SPRN: variants seen among roughly 807,000 people sequenced by gnomAD.
SPRN encodes the protein hypothetical protein BC004409.
For missense variants in SPRN, 312 were observed against 241.4 expected, an observed-to-expected ratio of 1.29 and a Z score of -1.94; for synonymous variants, 182 against 123.4, an observed-to-expected ratio of 1.48 and a Z score of -3.15.
rs1234158177 is a variant in SPRN at position 133,422,396 on chromosome 10, G to A, written c.*830C>T. On this transcript the variant is annotated 3_prime_UTR_variant, in exon 2 of 2. Transcript: ENST00000685335. ...GGGATTGGCAGTTGCTGTGCCCTGAGAACAGGCAGAACTGTGTGATCCCTG... is the reference window on the plus strand; with the variant it reads ...GGGATTGGCAGTTGCTGTGCCCTGAAAACAGGCAGAACTGTGTGATCCCTG... 2.0e-5 allele frequency: 3 copies of A among 152,368 alleles called. No individual in the cohort carries two copies. The highest frequency in any genetic ancestry group is 1.5e-5 in the Non-Finnish European group (1 of 68,156). 9.4% of individuals were successfully genotyped at this position (152,368 alleles called of 1,614,324 possible).
At position 133,423,232 on chromosome 10, in the gene SPRN, C is replaced by T. The variant is rs1421787939; in HGVS notation, c.450G>A (p.Arg150=). ...GGALGALGLL[R]P ...TCCCCGAGCCCAGCCAGGCCTAGGGCCGCAGCAGCCCCAGGGCTCCGAGGG... is the reference window on the plus strand; with the variant it reads ...TCCCCGAGCCCAGCCAGGCCTAGGGTCGCAGCAGCCCCAGGGCTCCGAGGG... Residue 150 remains arginine (R), a synonymous_variant, in exon 2 of 2, where the codon CGG becomes CGA. Coordinates refer to ENST00000685335, the MANE Select transcript of SPRN (RefSeq NM_001391974.1). The T allele has an allele frequency of 1.4e-6, 2 of 1,455,034 alleles. No individual in the cohort carries two copies. Among genetic ancestry groups the T allele is most frequent in the Non-Finnish European group, 1.8e-6 (2 of 1,104,176 alleles). The allele number at this position is 1,455,034 out of a possible 1,614,324, so 90.1% of individuals were successfully genotyped here.
chr10:133,421,039 C>T lies in SPRN; in HGVS notation c.*2187G>A, dbSNP rs80343841. 4.6e-3 allele frequency: 702 copies of T among 152,658 alleles called. 2 individuals are homozygous for T. Among genetic ancestry groups the T allele is most frequent in the South Asian group, 0.016 (77 of 4,828 alleles). 9.5% of individuals were successfully genotyped at this position (152,658 alleles called of 1,614,324 possible). On this transcript the variant is annotated 3_prime_UTR_variant, in exon 2 of 2. Transcript: ENST00000685335. The stretch of plus-strand genomic sequence containing the variant: ...GCTGGTAGTATGGACTAAGGTGCTG[C>T]AGGACCTGGGGCCAGGGACATCCTG...
In SPRN at chr10:133,423,442, G is replaced by A. The variant is rs1850296166; in HGVS notation, c.240C>T (p.Ala80=). Residue 80 remains alanine (A), a synonymous_variant, in exon 2 of 2, where the codon GCC becomes GCT. Transcript: ENST00000685335. The part of the protein sequence containing the change: ...GAAAGAAAGA[A]AGLAAGSGWR... ...AGCCCGAGCCCGCCGCCAGGCCCGCGGCCGCTCCCGCCGCCGCCCCGGCTG... is the reference window on the plus strand; with the variant it reads ...AGCCCGAGCCCGCCGCCAGGCCCGCAGCCGCTCCCGCCGCCGCCCCGGCTG... 7.9e-7 allele frequency: 1 copy of A among 1,259,402 alleles called. No homozygotes were observed. Among genetic ancestry groups the A allele is most frequent in the Admixed American group, 4.0e-5 (1 of 24,922 alleles). 78.0% of individuals were successfully genotyped at this position (1,259,402 alleles called of 1,614,324 possible). A position where few individuals can be genotyped will look rare whatever the true frequency, so the allele number is the denominator to read the frequency against.
chr10:133,423,759 G>A, intron 1 of SPRN, 62 bp from the exon 2 acceptor site: 1 of 1,221,538 alleles, frequency 8.2e-7, no homozygotes, highest in Non-Finnish European at 1.1e-6. Context: ...AGGGGCGGAG[G>A]GCTCAAGGCT....
In SPRN at chr10:133,422,214, C is replaced by T. The variant is rs931702006; in HGVS notation, c.*1012G>A. 6.6e-6 allele frequency: 1 copy of T among 152,418 alleles called. No individual in the cohort carries two copies. The highest frequency in any genetic ancestry group is 1.5e-5 in the Non-Finnish European group (1 of 68,184). The allele number at this position is 152,418 out of a possible 1,614,324, so 9.4% of individuals were successfully genotyped here. A position where few individuals can be genotyped will look rare whatever the true frequency, so the allele number is the denominator to read the frequency against. The stretch of plus-strand genomic sequence containing the variant: ...GCTTGCTTTGGGGTCTGAGTTAGCT[C>T]CTGGCTCCACTGAGCAGGCCGTCAG... On this transcript the variant is annotated 3_prime_UTR_variant, in exon 2 of 2. Coordinates refer to ENST00000685335, the MANE Select transcript of SPRN (RefSeq NM_001391974.1).
rs549439134 is a variant in SPRN, at chr10:133,422,326, C to G, written c.*900G>C. On this transcript the variant is annotated 3_prime_UTR_variant, in exon 2 of 2. Coordinates refer to ENST00000685335, the MANE Select transcript of SPRN (RefSeq NM_001391974.1). ...AGAAGGGGCTGCCTTCAGGGAAATG[C>G]GTGCACCGTGCAGCCTGTGCTGTGC... 4 of 152,390 alleles carry G rather than the reference C, an allele frequency of 2.6e-5. No individual in the cohort carries two copies. The highest frequency in any genetic ancestry group is 5.9e-5 in the Non-Finnish European group (4 of 68,198). 9.4% of individuals were successfully genotyped at this position (152,390 alleles called of 1,614,324 possible).
chr10:133,424,215 G>A (rs1442445586), intron 1 of SPRN, among the ~76,000 whole-genome samples: 4 of 136,402 alleles, frequency 2.9e-5, no homozygotes, highest in Admixed American at 1.5e-4. Flanking sequence ...GGGCCTTGCG[G>A]ATGCTGCGGA....
rs561008135 is a variant in SPRN, at chr10:133,423,529, C to T, written c.153G>A (p.Val51=). 1.7e-6 allele frequency: 2 copies of T among 1,208,464 alleles called. No homozygotes were observed. The highest frequency in any genetic ancestry group is 1.0e-6 in the Non-Finnish European group (1 of 974,768). The allele number at this position is 1,208,464 out of a possible 1,614,324, so 74.9% of individuals were successfully genotyped here. Residue 51 remains valine (V), a synonymous_variant, in exon 2 of 2, where the codon GTG becomes GTA. Coordinates refer to ENST00000685335, the MANE Select transcript of SPRN (RefSeq NM_001391974.1). ...GGGCACCGTAGCGCTGCGCCGGCCTCACGCGCACCCTCGAGGCCCCGCGCG... is the reference window on the plus strand; with the variant it reads ...GGGCACCGTAGCGCTGCGCCGGCCTTACGCGCACCCTCGAGGCCCCGCGCG... ...GGARGASRVR[V]RPAQRYGAPG...
chr10:133,424,253 A>G (rs1379315436), intron 1 of SPRN, among the ~76,000 whole-genome samples: 1 of 124,080 alleles, frequency 8.1e-6, no homozygotes, highest in Admixed American at 8.1e-5. Flanking sequence ...CATCGTGCGG[A>G]CTCCGCCCCA....
chr10:133,422,492 C>G lies in SPRN; in HGVS notation c.*734G>C, dbSNP rs1330117410. 3 of 152,438 alleles carry G rather than the reference C, an allele frequency of 2.0e-5. No individual in the cohort carries two copies. In the East Asian group the frequency reaches 5.8e-4, roughly 29 times the overall value. 9.4% of individuals were successfully genotyped at this position (152,438 alleles called of 1,614,324 possible). On this transcript the variant is annotated 3_prime_UTR_variant, in exon 2 of 2. Transcript: ENST00000685335. Reference sequence around the variant, plus strand: ...TTGGTTTTTCCCCCCCAAAATGGGTCCTAAGGAGGGTAAAGTGACTTGTTT... The same window carrying G: ...TTGGTTTTTCCCCCCCAAAATGGGTGCTAAGGAGGGTAAAGTGACTTGTTT...
intron 1 of SPRN, among the ~76,000 whole-genome samples, chr10:133,424,234 G>A (rs1375870446): frequency 1.5e-5 from 2 of 131,528 alleles, no homozygotes; most frequent in East Asian, 2.3e-4. Flanking sequence ...GAGGACAAGC[G>A]GCTGCTGACA....
rs751476050 is a variant in SPRN, at chr10:133,422,789, G to T, written c.*437C>A. On this transcript the variant is annotated 3_prime_UTR_variant, in exon 2 of 2. Transcript: ENST00000685335. Reference sequence around the variant, plus strand: ...TCCATTTCACTGCTTCTTTTGGGGAGGGTCAGATTCCTCAGGGGCTCAGTG... The same window carrying T: ...TCCATTTCACTGCTTCTTTTGGGGATGGTCAGATTCCTCAGGGGCTCAGTG... The T allele has an allele frequency of 3.6e-4, 57 of 159,670 alleles. No homozygotes were observed. Among genetic ancestry groups the T allele is most frequent in the African/African-American group, 8.8e-4 (37 of 41,896 alleles). 9.9% of individuals were successfully genotyped at this position (159,670 alleles called of 1,614,324 possible). A position where few individuals can be genotyped will look rare whatever the true frequency, so the allele number is the denominator to read the frequency against.
intron 1 of SPRN, 57 bp from the exon 2 acceptor site, chr10:133,423,754 C>T (rs1237013190): frequency 1.9e-4 from 247 of 1,275,624 alleles, no homozygotes; most frequent in Non-Finnish European, 2.3e-4. Flanking sequence ...TGCCCAGGGG[C>T]GGAGGGCTCA....
rs1850293094 is a variant in SPRN, at chr10:133,423,369, C to T, written c.313G>A (p.Asp105Asn). ...GTCCCGTTGCCTCCGGGCACCCCGT[C>T]CTCCTCGTCCTCCAGGCCGCGTTCC... Reference protein sequence around the residue: ...PGERGLEDEEDGVPGGNGTGP... With the variant: ...PGERGLEDEENGVPGGNGTGP... The change falls in exon 2 of 2, where the codon GAC becomes AAC. Residue 105 changes from aspartate (D) to asparagine (N), a missense_variant. Coordinates refer to ENST00000685335, the MANE Select transcript of SPRN (RefSeq NM_001391974.1). The T allele has an allele frequency of 1.3e-6, 2 of 1,508,638 alleles. No individual in the cohort carries two copies. Among genetic ancestry groups the T allele is most frequent in the Non-Finnish European group, 8.8e-7 (1 of 1,133,994 alleles). 93.5% of individuals were successfully genotyped at this position (1,508,638 alleles called of 1,614,324 possible).
At position 133,423,671 on chromosome 10, in the gene SPRN, G is replaced by A. The variant is rs763048225; in HGVS notation, c.11C>T (p.Ala4Val). MNW[A>V]PATCWALLLA... ...TAGCAGAGCCCAGCACGTTGCGGGTGCCCAGTTCATCTTCGTGGGGCTAAA... is the reference window on the plus strand; with the variant it reads ...TAGCAGAGCCCAGCACGTTGCGGGTACCCAGTTCATCTTCGTGGGGCTAAA... The change falls in exon 2 of 2, where the codon GCA becomes GTA. Residue 4 changes from alanine to valine, a missense_variant. Physicochemically the swap from Ala to Val is moderately conservative, Grantham distance 64. Transcript: ENST00000685335. 1.6e-5 allele frequency: 26 copies of A among 1,579,348 alleles called. 2 individuals are homozygous for A. In the Admixed American group the frequency reaches 4.1e-4, roughly 25 times the overall value.
At chr10:133,423,868 C>G (rs568863968) in intron 1 of SPRN, among the ~76,000 whole-genome samples, 171 bp from the exon 2 acceptor site, 2 of 152,360 alleles carry the variant, frequency 1.3e-5, no homozygotes, top group African/African-American at 2.4e-5. Flanking sequence ...CCTCTAGCAT[C>G]AGGGACTTAG....
At position 133,423,570 on chromosome 10, in the gene SPRN, C is replaced by G; in HGVS notation, c.112G>C (p.Gly38Arg). The G allele has an allele frequency of 1.5e-6, 2 of 1,359,368 alleles. No homozygotes were observed. Among genetic ancestry groups the G allele is most frequent in the Non-Finnish European group, 1.9e-6 (2 of 1,055,720 alleles). 84.2% of individuals were successfully genotyped at this position (1,359,368 alleles called of 1,614,324 possible). A position where few individuals can be genotyped will look rare whatever the true frequency, so the allele number is the denominator to read the frequency against. ...RGGARGSARG[G>R]VRGGARGASR... ...GCCCCGCGCGCACCCCCGCGGACCCCTCCCCGGGCACTGCCCCGCGCACCT... is the reference window on the plus strand; with the variant it reads ...GCCCCGCGCGCACCCCCGCGGACCCGTCCCCGGGCACTGCCCCGCGCACCT... Residue 38 changes from glycine to arginine, a missense_variant, in exon 2 of 2, where the codon GGG (glycine) becomes CGG (arginine). By Grantham distance (125) the Gly-to-Arg change is moderately radical. Transcript: ENST00000685335.
rs1226353762 is a variant in SPRN at position 133,420,765 on chromosome 10, C to T, written c.*2461G>A. 6.6e-6 allele frequency: 1 copy of T among 152,644 alleles called. No individual in the cohort carries two copies. The highest frequency in any genetic ancestry group is 1.5e-5 in the Non-Finnish European group (1 of 68,364). 9.5% of individuals were successfully genotyped at this position (152,644 alleles called of 1,614,324 possible). On this transcript the variant is annotated 3_prime_UTR_variant, in exon 2 of 2. Coordinates refer to ENST00000685335, the MANE Select transcript of SPRN (RefSeq NM_001391974.1). ...AAGCACTGGCTTCGCCCCTCAGTGC[C>T]CTGGGGCATGTTCAGGGCAGGGTTG...
In SPRN at chr10:133,420,826, G is replaced by A. The variant is rs1047585146; in HGVS notation, c.*2400C>T. On this transcript the variant is annotated 3_prime_UTR_variant, in exon 2 of 2. Coordinates refer to ENST00000685335, the MANE Select transcript of SPRN (RefSeq NM_001391974.1). The stretch of plus-strand genomic sequence containing the variant: ...CCTGCACATGGCTTTGCTGTGCAAT[G>A]ACTGGAAGGCCGCCCGGCATGGGCA... 6.6e-6 allele frequency: 1 copy of A among 152,502 alleles called. No individual in the cohort carries two copies. Among genetic ancestry groups the A allele is most frequent in the South Asian group, 2.1e-4 (1 of 4,834 alleles). The allele number at this position is 152,502 out of a possible 1,614,324, so 9.4% of individuals were successfully genotyped here. A position where few individuals can be genotyped will look rare whatever the true frequency, so the allele number is the denominator to read the frequency against.
Sources: allele counts gnomAD v4.1 joint callset (sites outside exome capture counted in the v4.1 genomes callset), GRCh38; gene constraint gnomAD v4.1.1; transcripts MANE v1.5; gene names NCBI Gene and HGNC (gene_info 2026-07-23, HGNC 2026-07-21).